The following CCDC192 variants were observed in gnomAD, a reference collection of about 807,000 sequenced individuals.
The protein encoded by CCDC192 is coiled-coil domain containing 192.
intron 3 of CCDC192, among the ~76,000 whole-genome samples, chr5:127,796,297 G>T (rs1027997059): frequency 6.6e-6 from 1 of 152,190 alleles, no homozygotes; most frequent in Admixed American, 6.5e-5. Flanking sequence ...ATAACATTCA[G>T]AGTAATGAAA....
intron 2 of CCDC192, among the ~76,000 whole-genome samples, chr5:127,725,751 T>C (rs1580537335): frequency 1.3e-5 from 2 of 152,306 alleles, no homozygotes; most frequent in South Asian, 4.1e-4. Context: ...TCTCCCTCTG[T>C]CAGTTTTCTT....
chr5:127,930,610 A>T (rs950504141), intron 6 of CCDC192, among the ~76,000 whole-genome samples: 1 of 152,220 alleles, frequency 6.6e-6, no homozygotes, highest in Non-Finnish European at 1.5e-5. Context: ...ACTCAGGTAC[A>T]TGGTTATGCT....
rs1043707195 is a variant in CCDC192, at chr5:127,938,194, C to T, written c.536-2988C>T. On this transcript the variant is annotated intron_variant, in intron 6 of 6. Transcript: ENST00000514853. ...CTGAGAGAAACATTACTGTCAGTCA[C>T]GGATACAAAAGCCTGCTACCTGGGT... Among the ~76,000 whole-genome samples the T allele has an allele frequency of 4.6e-5, 7 of 152,142 alleles. No individual in the cohort carries two copies. In the East Asian group the frequency reaches 5.8e-4, roughly 13 times the overall value.
intron 2 of CCDC192, among the ~76,000 whole-genome samples, chr5:127,720,161 C>A (rs183006952): frequency 1.2e-3 from 186 of 152,224 alleles, no homozygotes; most frequent in Non-Finnish European, 1.6e-3. Flanking sequence ...AAGATAAGTC[C>A]CTTCTGCCTA....
chr5:127,861,343 A>G (rs562407714), intron 5 of CCDC192, among the ~76,000 whole-genome samples: 7 of 150,562 alleles, frequency 4.6e-5, no homozygotes, highest in Non-Finnish European at 1.0e-4. Flanking sequence ...AATAAACTGT[A>G]ATTTTAAGCT....
chr5:127,925,770 T>G (rs1753845652), intron 6 of CCDC192, among the ~76,000 whole-genome samples: 1 of 152,184 alleles, frequency 6.6e-6, no homozygotes, highest in Non-Finnish European at 1.5e-5. Context: ...TTAAACCACT[T>G]TCATGGCTGT....
chr5:127,811,186 C>T (rs1758062833), intron 5 of CCDC192, among the ~76,000 whole-genome samples: 1 of 152,176 alleles, frequency 6.6e-6, no homozygotes, highest in Non-Finnish European at 1.5e-5. Context: ...TCTGAAGCAA[C>T]TTCCTCCCCT....
chr5:127,929,562 A>G (rs958518733), intron 6 of CCDC192, among the ~76,000 whole-genome samples: 6 of 152,234 alleles, frequency 3.9e-5, no homozygotes, highest in African/African-American at 1.4e-4. Flanking sequence ...CTAAATCAAA[A>G]TAACTTGTAC....
intron 6 of CCDC192, among the ~76,000 whole-genome samples, chr5:127,899,666 T>C (rs145333709): frequency 1.1e-4 from 17 of 152,306 alleles, no homozygotes; most frequent in Non-Finnish European, 4.4e-5. Context: ...CTAAGCTCGT[T>C]TGTGGGCTTG....
At chr5:127,708,040 G>A (rs1751070272) in intron 2 of CCDC192, among the ~76,000 whole-genome samples, 1 of 152,060 alleles carries the variant, frequency 6.6e-6, no homozygotes, top group Non-Finnish European at 1.5e-5. Context: ...ATGCCACACT[G>A]CTCTCTGTGG....
At position 127,864,252 on chromosome 5, in the gene CCDC192, T is replaced by C. The variant is rs529081614; in HGVS notation, c.412-11286T>C. Among the ~76,000 whole-genome samples, 6 of 152,336 alleles carry C rather than the reference T, an allele frequency of 3.9e-5. No homozygotes were observed. The South Asian group carries it at 1.0e-3, about 26-fold the overall frequency. ...AACTCCTCTTTATTAACAACTCATA[T>C]GATTATTCCTAAATTTTACATTCTC... On this transcript the variant is annotated intron_variant, in intron 5 of 6. Coordinates refer to ENST00000514853, the MANE Select transcript of CCDC192 (RefSeq NM_001317938.2).
At chr5:127,720,590 T>C (rs1371983420) in intron 2 of CCDC192, among the ~76,000 whole-genome samples, 1 of 152,206 alleles carries the variant, frequency 6.6e-6, no homozygotes, top group Non-Finnish European at 1.5e-5. Context: ...AGTGCCCCAG[T>C]GGGGACTCTG....
chr5:127,838,072 A>C (rs1750110607), intron 5 of CCDC192, among the ~76,000 whole-genome samples: 1 of 152,198 alleles, frequency 6.6e-6, no homozygotes, highest in African/African-American at 2.4e-5. Context: ...TTGGTTATGC[A>C]AAGAGACGTT....
intron 5 of CCDC192, among the ~76,000 whole-genome samples, chr5:127,862,258 G>A (rs1751401508): frequency 1.3e-5 from 2 of 152,104 alleles, no homozygotes; most frequent in South Asian, 4.1e-4. Context: ...CAGAAAAATG[G>A]CAGGCATGTT....
At chr5:127,734,202 T>G (rs1752827197) in intron 2 of CCDC192, among the ~76,000 whole-genome samples, 1 of 151,236 alleles carries the variant, frequency 6.6e-6, no homozygotes, top group African/African-American at 2.4e-5. Flanking sequence ...TTGCGATAGT[T>G]TACTGAGAAT....
At chr5:127,832,970 G>C (rs564630701) in intron 5 of CCDC192, among the ~76,000 whole-genome samples, 1 of 152,258 alleles carries the variant, frequency 6.6e-6, no homozygotes, top group East Asian at 1.9e-4. Context: ...CCAAAGAAAG[G>C]AGTTATTCTG....
intron 6 of CCDC192, among the ~76,000 whole-genome samples, chr5:127,887,328 CAA>C (rs10658827): frequency 1.8e-4 from 16 of 87,556 alleles, no homozygotes; most frequent in African/African-American, 2.8e-4. Context: ...GACTCTGTCT[CAA>C]AAAAAAAAAA....
chr5:127,914,461 A>C (rs1240303028), intron 6 of CCDC192, among the ~76,000 whole-genome samples: 2 of 152,200 alleles, frequency 1.3e-5, no homozygotes, highest in African/African-American at 4.8e-5. Context: ...CCATCAGTTC[A>C]TATCAGGTTT....
intron 3 of CCDC192, among the ~76,000 whole-genome samples, chr5:127,787,842 G>A (rs1735410211): frequency 6.6e-6 from 1 of 152,072 alleles, no homozygotes; most frequent in African/African-American, 2.4e-5. Flanking sequence ...TGCACTTTGA[G>A]AGGTCAAGAC....
Sources: gnomAD v4.1 joint callset for allele counts (sites outside exome capture counted in the v4.1 genomes callset) on GRCh38, gnomAD v4.1.1 for gene constraint, MANE v1.5 for transcripts, NCBI Gene and HGNC (gene_info 2026-07-23, HGNC 2026-07-21) for gene names.